EIPR1: variants seen among roughly 807,000 people sequenced by gnomAD.
EIPR1 encodes EARP and GARP complex-interacting protein 1.
Under a neutral mutation model 48.1 loss-of-function variants are expected in EIPR1, and 25 were observed. The observed-to-expected ratio is 0.52, with a 90% confidence interval of 0.38 to 0.73. The LOEUF (loss-of-function observed/expected upper bound fraction) is 0.73. Among genes scored for constraint, EIPR1 ranks in the 30% least tolerant of loss-of-function variants. EIPR1 has a pLI of 0.00. For synonymous variants in EIPR1, 204 were observed against 201.9 expected (o/e 1.01, Z -0.09); for missense variants, 415 against 506.2 (o/e 0.82, Z 1.73).
chr2:3,370,057 C>T lies in EIPR1; in HGVS notation c.42+7591G>A, dbSNP rs77160159. Among the ~76,000 whole-genome samples, 1,323 of 152,300 alleles carry T rather than the reference C, an allele frequency of 8.7e-3. 127 individuals carry two copies. In the East Asian group the frequency reaches 0.2, roughly 23 times the overall value. Reference sequence around the variant, plus strand: ...GAGACAAAACTTCCAGAGGAACGATCATACAGCAACATTCGCGGATCACGA... The same window carrying T: ...GAGACAAAACTTCCAGAGGAACGATTATACAGCAACATTCGCGGATCACGA... On this transcript the variant is annotated intron_variant, in intron 1 of 8. Transcript: ENST00000382125.
intron 4 of EIPR1, among the ~76,000 whole-genome samples, chr2:3,220,892 TCAGTTAAGGACACATGCA>T (rs1665865924): frequency 6.8e-6 from 1 of 147,216 alleles, no homozygotes. Context: ...GCATTCACAG[TCAGTTAAGGACACATGCA>T]CACAATGGCC....
intron 1 of EIPR1, among the ~76,000 whole-genome samples, chr2:3,369,209 T>C (rs935942678): frequency 6.6e-6 from 1 of 152,116 alleles, no homozygotes; most frequent in Non-Finnish European, 1.5e-5. Flanking sequence ...AGAGAATCAA[T>C]TTCATTCATT....
At chr2:3,363,690 C>T (rs1471717653) in intron 1 of EIPR1, among the ~76,000 whole-genome samples, 1 of 149,984 alleles carries the variant, frequency 6.7e-6, no homozygotes, top group African/African-American at 2.5e-5. Context: ...GCCTCAAAAA[C>T]ATAAATATAT....
chr2:3,288,018 G>T (rs1668259511), intron 3 of EIPR1, among the ~76,000 whole-genome samples: 1 of 152,242 alleles, frequency 6.6e-6, no homozygotes, highest in Admixed American at 6.5e-5. Context: ...CCCTCACAGG[G>T]TTCCCCTCTC....
At chr2:3,246,730 G>C (rs1369086199) in intron 4 of EIPR1, among the ~76,000 whole-genome samples, 1 of 150,752 alleles carries the variant, frequency 6.6e-6, no homozygotes, top group Non-Finnish European at 1.5e-5. Flanking sequence ...CTGCCGGGGT[G>C]GTAGCCATGG....
intron 1 of EIPR1, among the ~76,000 whole-genome samples, chr2:3,371,934 T>A (rs539210168): frequency 0.016 from 2,504 of 152,292 alleles, 74 homozygotes; most frequent in African/African-American, 0.058. Context: ...TATACATTTT[T>A]TTCAGCACCA....
Position 3,257,597 on chromosome 2 carries a change from G to C in EIPR1, c.260-142C>G, listed in dbSNP as rs1373852991. 3.0e-6 allele frequency: 3 copies of C among 1,006,238 alleles called. No homozygotes were observed. The South Asian group carries it at 5.7e-5, about 19-fold the overall frequency. The allele number at this position is 1,006,238 out of a possible 1,614,324, so 62.3% of individuals were successfully genotyped here. A position where few individuals can be genotyped will look rare whatever the true frequency, so the allele number is the denominator to read the frequency against. On this transcript the variant is annotated intron_variant, in intron 3 of 8. Transcript: ENST00000382125. ...ATGTACGATTGCAGGCAGCAAAGAC[G>C]GAGCAGGGAGAAGCACAGCCTGAGT...
intron 4 of EIPR1, among the ~76,000 whole-genome samples, chr2:3,223,982 C>T (rs908685683): frequency 2.0e-5 from 3 of 152,212 alleles, no homozygotes; most frequent in Non-Finnish European, 2.9e-5. Context: ...AGTAGTTACA[C>T]CTCTCTATCA....
chr2:3,277,213 CG>C (rs947361131), intron 3 of EIPR1, among the ~76,000 whole-genome samples: 20 of 150,892 alleles, frequency 1.3e-4, no homozygotes, highest in African/African-American at 4.9e-4. Flanking sequence ...TCCACCCACA[CG>C]GCCCCGCACC....
In EIPR1 at chr2:3,189,379, C is replaced by A. The variant is rs1421573426; in HGVS notation, c.1119G>T (p.Val373=). ...FASLSYDGRL[V]INRVPRALKY... ...TCAGGGCCCTGGGCACCCTGTTGAT[C>A]ACGAGCCTCCCGTCATAGCTCAGGG... The change falls in exon 9 of 9, where the codon GTG becomes GTT. Residue 373 remains valine (V), a synonymous_variant. Transcript: ENST00000382125. This position sits in a 1 kb window ranked among gnomAD's most constrained non-coding sequence, Gnocchi z 4.6. 2 of 1,602,464 alleles carry A rather than the reference C, an allele frequency of 1.2e-6. No individual in the cohort carries two copies. The highest frequency in any genetic ancestry group is 1.1e-5 in the South Asian group (1 of 89,768).
At chr2:3,370,573 G>A (rs975546479) in intron 1 of EIPR1, among the ~76,000 whole-genome samples, 9 of 152,240 alleles carry the variant, frequency 5.9e-5, no homozygotes, top group East Asian at 1.9e-4. Context: ...GCCAAGGCTC[G>A]AGAACTATGT....
At chr2:3,228,999 C>T (rs1666155516) in intron 4 of EIPR1, among the ~76,000 whole-genome samples, 1 of 152,126 alleles carries the variant, frequency 6.6e-6, no homozygotes, top group African/African-American at 2.4e-5. Context: ...TAGTCAAATG[C>T]TGAATTAATA....
intron 4 of EIPR1, among the ~76,000 whole-genome samples, chr2:3,253,726 G>A (rs1278435874): frequency 1.3e-5 from 2 of 152,158 alleles, no homozygotes; most frequent in Non-Finnish European, 2.9e-5. Flanking sequence ...CTTAGCCTTC[G>A]CTGTTCCCAC....
intron 3 of EIPR1, among the ~76,000 whole-genome samples, chr2:3,295,531 T>TA (rs1484101540): frequency 4.7e-5 from 3 of 64,356 alleles, no homozygotes; most frequent in Admixed American, 1.5e-4. Flanking sequence ...CCATCGTCTC[T>TA]CCACACACAC....
Position 3,221,344 on chromosome 2 carries a change from T to C in EIPR1, c.417-7096A>G, listed in dbSNP as rs1432195117. Among the ~76,000 whole-genome samples the C allele has an allele frequency of 1.3e-3, 4 of 2,974 alleles. 1 individual carries two copies. The highest frequency in any genetic ancestry group is 2.3e-3 in the African/African-American group (4 of 1,772). 2.0% of individuals were successfully genotyped at this position (2,974 alleles called of 152,430 possible). A position where few individuals can be genotyped will look rare whatever the true frequency, so the allele number is the denominator to read the frequency against. ...GTGAGTCGGGAACACACGCACACAATGGCCGAGGTACACTCTAGAGCATTC... is the reference window on the plus strand; with the variant it reads ...GTGAGTCGGGAACACACGCACACAACGGCCGAGGTACACTCTAGAGCATTC... On this transcript the variant is annotated intron_variant, in intron 4 of 8. Transcript: ENST00000382125.
At chr2:3,253,683 C>T (rs1181420388) in intron 4 of EIPR1, among the ~76,000 whole-genome samples, 1 of 152,194 alleles carries the variant, frequency 6.6e-6, no homozygotes, top group Non-Finnish European at 1.5e-5. Flanking sequence ...TTCTGGGGGG[C>T]ACACTGGGTC....
chr2:3,330,418 C>T (rs1669850899), intron 3 of EIPR1, among the ~76,000 whole-genome samples: 1 of 152,174 alleles, frequency 6.6e-6, no homozygotes, highest in East Asian at 1.9e-4. Flanking sequence ...CAGAGCCAGA[C>T]CACTGGTGCC....
intron 5 of EIPR1, among the ~76,000 whole-genome samples, chr2:3,211,415 C>T (rs1201958478): frequency 1.3e-5 from 2 of 152,186 alleles, no homozygotes. Flanking sequence ...AGCCCCTCCC[C>T]ACGAGCTCTG....
At chr2:3,360,210 C>A (rs1258360342) in intron 1 of EIPR1, among the ~76,000 whole-genome samples, 2 of 152,086 alleles carry the variant, frequency 1.3e-5, no homozygotes, top group Admixed American at 1.3e-4. Flanking sequence ...TCGAGACCAG[C>A]CTGGCCAACA....
Sources: allele counts gnomAD v4.1 joint callset (sites outside exome capture counted in the v4.1 genomes callset), GRCh38; gene constraint gnomAD v4.1.1; non-coding constraint Gnocchi (gnomAD v3.1); transcripts MANE v1.5; gene names NCBI Gene and HGNC (gene_info 2026-07-23, HGNC 2026-07-21).